The following PKHD1 variants were observed in gnomAD, a reference collection of about 807,000 sequenced individuals.
PKHD1 encodes PKHD1 ciliary IPT domain containing fibrocystin/polyductin.
A neutral mutation model predicts 412.0 loss-of-function variants in PKHD1; 291 were observed. The observed-to-expected ratio is 0.71, with a 90% CI of 0.64 to 0.78. PKHD1 has a LOEUF of 0.78. Among genes scored for constraint, PKHD1 ranks in the 30% least tolerant of loss-of-function variants. The pLI, the probability that PKHD1 is intolerant of heterozygous loss-of-function variation, is 0.00. For missense variants in PKHD1, 4,825 were observed against 4,950.7 expected (o/e 0.97, Z 0.76); for synonymous variants, 1,777 against 1,821.5 (o/e 0.98, Z 0.62).
At chr6:51,687,065 T>C (rs980904469) in intron 60 of PKHD1, among the ~76,000 whole-genome samples, 1 of 152,204 alleles carries the variant, frequency 6.6e-6, no homozygotes, top group African/African-American at 2.4e-5. Flanking sequence ...AGTTCTTTCA[T>C]TGTCAAGAGT....
intron 4 of PKHD1, among the ~76,000 whole-genome samples, chr6:52,081,283 ATCTAAG>A (rs1811987453): frequency 1.3e-5 from 2 of 152,210 alleles, no homozygotes. Flanking sequence ...GTGCCATAAA[ATCTAAG>A]GGAAATATAT....
In PKHD1 at chr6:51,940,432, C is replaced by A. The variant is rs985462215; in HGVS notation, c.5909-6110G>T. Among the ~76,000 whole-genome samples the A allele has an allele frequency of 4.0e-5, 6 of 151,688 alleles. 1 individual carries two copies. Among genetic ancestry groups the A allele is most frequent in the Non-Finnish European group, 8.9e-5 (6 of 67,796 alleles). On this transcript the variant is annotated intron_variant, in intron 36 of 66. Transcript: ENST00000371117. ...GCAGCTGTCAGGGGTTCCTCCAGAA[C>A]CTCCTCCCCCAGGAGCTTACTACAA...
chr6:51,977,253 G>T lies in PKHD1; in HGVS notation c.5752-17227C>A, dbSNP rs151323738. Among the ~76,000 whole-genome samples the T allele has an allele frequency of 5.2e-4, 79 of 152,286 alleles. 1 individual carries two copies. The East Asian group carries it at 0.014, about 28-fold the overall frequency. On this transcript the variant is annotated intron_variant, in intron 35 of 66. Transcript: ENST00000371117. ...CCTCAGTATATATGCTTCCCTCATT[G>T]CTCTGTGAAGGGTGGGTTTGCACAC...
In PKHD1 at chr6:51,934,354, G is replaced by A. The variant is rs574957063; in HGVS notation, c.5909-32C>T. The A allele has an allele frequency of 2.8e-6, 4 of 1,407,482 alleles. No individual in the cohort carries two copies. In the African/African-American group the frequency reaches 5.6e-5, roughly 20 times the overall value. 87.2% of individuals were successfully genotyped at this position (1,407,482 alleles called of 1,614,324 possible). A position where few individuals can be genotyped will look rare whatever the true frequency, so the allele number is the denominator to read the frequency against. ...GACAAAGGGAAAATTGTCAGTCCCT[G>A]GGAGGATAAGGCTTACCGTTTTGTC... On this transcript the variant is annotated intron_variant, in intron 36 of 66. Transcript: ENST00000371117.
chr6:51,713,623 T>C (rs1780904154), intron 60 of PKHD1, among the ~76,000 whole-genome samples: 1 of 152,224 alleles, frequency 6.6e-6, no homozygotes, highest in South Asian at 2.1e-4. Context: ...ACTGACTCCT[T>C]TTGGAGTCAG....
At chr6:51,657,334 T>C (rs1772039592) in intron 61 of PKHD1, among the ~76,000 whole-genome samples, 2 of 152,066 alleles carry the variant, frequency 1.3e-5, no homozygotes, top group African/African-American at 4.8e-5. Flanking sequence ...TGTGCAACAC[T>C]AGAAAACATG....
rs1326991606 is a variant in PKHD1, at chr6:52,055,644, G to A, written c.1779C>T (p.His593=). ...GGGCAGCCGGGGGAGTAAGGACAAGGTGTCGAGGCTGACGGAGGCTGAACC... is the reference window on the plus strand; with the variant it reads ...GGGCAGCCGGGGGAGTAAGGACAAGATGTCGAGGCTGACGGAGGCTGAACC... ...CGRFSLRQPR[H]LVLTPPAAQK... The change falls in exon 19 of 67, where the codon CAC becomes CAT. Residue 593 remains histidine (H), a synonymous_variant. Transcript: ENST00000371117. The A allele has an allele frequency of 1.2e-6, 2 of 1,613,952 alleles. No individual in the cohort carries two copies. Among genetic ancestry groups the A allele is most frequent in the Non-Finnish European group, 1.7e-6 (2 of 1,179,892 alleles).
intron 40 of PKHD1, among the ~76,000 whole-genome samples, chr6:51,908,975 A>G (rs147451559): frequency 6.6e-6 from 1 of 152,288 alleles, no homozygotes; most frequent in Non-Finnish European, 1.5e-5. Context: ...TTATAGTGAT[A>G]GTTCTCAAAC....
At chr6:51,956,675 T>TG (rs34848344) in intron 36 of PKHD1, among the ~76,000 whole-genome samples, 5,099 of 152,072 alleles carry the variant, frequency 0.034, 318 homozygotes, top group African/African-American at 0.12. Flanking sequence ...TAAAGAGTCC[T>TG]GGGGGGTGGC....
At chr6:51,948,496 T>A (rs1789822269) in intron 36 of PKHD1, among the ~76,000 whole-genome samples, 6 of 152,354 alleles carry the variant, frequency 3.9e-5, no homozygotes, top group African/African-American at 1.4e-4. Flanking sequence ...TCCATGGTAC[T>A]AAGCAAATTT....
At chr6:51,807,593 G>T (rs1287533459) in intron 52 of PKHD1, among the ~76,000 whole-genome samples, 1 of 148,990 alleles carries the variant, frequency 6.7e-6, no homozygotes, top group Non-Finnish European at 1.5e-5. Context: ...ATCTGAACAG[G>T]ATTCTTTTAA....
chr6:51,812,091 T>G (rs568844010), intron 52 of PKHD1, among the ~76,000 whole-genome samples: 2 of 152,286 alleles, frequency 1.3e-5, no homozygotes, highest in East Asian at 1.9e-4. Context: ...GCAGCAGGAA[T>G]GAGACACACC....
rs201881567 is a variant in PKHD1, at chr6:51,883,179, A to G, written c.7264T>C (p.Cys2422Arg). Residue 2422 changes from cysteine to arginine, a missense_variant, in exon 46 of 67, where the codon TGC (cysteine) becomes CGC (arginine). By Grantham distance (180) the Cys-to-Arg change is radical. Transcript: ENST00000371117. ...AAGACGTCAATTCCAAAATCTCTGC[A>G]TGAATAAACTTTGAAGTTTTTCAGG... is the stretch of plus-strand genomic sequence containing the variant. ...LRLKNFKVYS[C>R]RDFGIDVLES... 5.6e-6 allele frequency: 9 copies of G among 1,610,738 alleles called. No individual in the cohort carries two copies. The Admixed American group carries it at 1.2e-4, about 21-fold the overall frequency.
intron 51 of PKHD1, 117 bp from the exon 52 acceptor site, chr6:51,831,106 TTTATA>T (rs1768172171): frequency 2.7e-6 from 2 of 737,350 alleles, no homozygotes; most frequent in Non-Finnish European, 4.7e-6. Context: ...CTATCAATAT[TTTATA>T]AGTTTCTGTA....
rs149316059 is a variant in PKHD1, at chr6:51,740,478, T to A, written c.10156+3907A>T. On this transcript the variant is annotated intron_variant, in intron 60 of 66. Transcript: ENST00000371117. ...TGTTTAAAAAAATATGGAAAGGATATAAGGGTCTGTTAAACTCAATGACAT... is the reference window on the plus strand; with the variant it reads ...TGTTTAAAAAAATATGGAAAGGATAAAAGGGTCTGTTAAACTCAATGACAT... 3.0e-3 allele frequency among the ~76,000 whole-genome samples: 460 copies of A among 152,310 alleles called. 3 individuals are homozygous for A. The highest frequency in any genetic ancestry group is 0.011 in the African/African-American group (444 of 41,558).
intron 35 of PKHD1, among the ~76,000 whole-genome samples, chr6:52,006,542 C>A (rs1191559397): frequency 2.0e-5 from 3 of 151,830 alleles, no homozygotes; most frequent in African/African-American, 7.3e-5. Flanking sequence ...ATGCTCGGCT[C>A]ATTTTTGTAT....
chr6:51,639,052 G>A, intron 63 of PKHD1, 96 bp from the exon 64 acceptor site: 1 of 961,530 alleles, frequency 1.0e-6, no homozygotes, highest in Non-Finnish European at 1.7e-6. Context: ...GGACAATAAA[G>A]GACAATTTTT....
intron 4 of PKHD1, among the ~76,000 whole-genome samples, chr6:52,081,373 T>C (rs1237100181): frequency 6.6e-6 from 1 of 152,184 alleles, no homozygotes; most frequent in Non-Finnish European, 1.5e-5. Flanking sequence ...CATCCTCTAC[T>C]CGTAAGATAT....
chr6:52,053,025 T>C (rs1807112679), intron 21 of PKHD1, 51 bp downstream of exon 21: 2 of 1,569,278 alleles, frequency 1.3e-6, no homozygotes, highest in East Asian at 4.5e-5. Flanking sequence ...GCAGGAAAGT[T>C]TGAGGTAGGC....
Sources: gnomAD v4.1 joint callset for allele counts (sites outside exome capture counted in the v4.1 genomes callset) on GRCh38, gnomAD v4.1.1 for gene constraint, MANE v1.5 for transcripts, NCBI Gene and HGNC (gene_info 2026-07-23, HGNC 2026-07-21) for gene names.